Variants in HARS1 observed in about 807,000 individuals in gnomAD.
The protein encoded by HARS1 is histidine--tRNA ligase, cytoplasmic.
In HARS1, 45 loss-of-function variants were observed where a neutral mutation model predicts 63.6. The observed-to-expected ratio is 0.71, with a 90% CI of 0.56 to 0.91. HARS1 has a LOEUF of 0.91. Among genes scored for constraint, HARS1 ranks in the 40% least tolerant of loss-of-function variants. The pLI is 0.00. For missense variants in HARS1, 508 were observed against 643.2 expected (o/e 0.79, Z 2.27); for synonymous variants, 205 against 247.1 (o/e 0.83, Z 1.60).
rs763198737 is a variant in HARS1 at position 140,679,138 on chromosome 5, A to G, written c.397-11T>C. On this transcript the variant is annotated splice_polypyrimidine_tract_variant and intron_variant, in intron 4 of 12. Coordinates refer to ENST00000504156, the MANE Select transcript of HARS1 (RefSeq NM_002109.6). The surrounding 1 kb of genome is among the most constrained non-coding windows in gnomAD (Gnocchi z 4.3). Reference sequence around the variant, plus strand: ...CCGAGCAAAAGGAACCTGATGACAAAGAGTTAAGGAGAAAGCCCCTCCTAT... The same window carrying G: ...CCGAGCAAAAGGAACCTGATGACAAGGAGTTAAGGAGAAAGCCCCTCCTAT... 2 of 1,613,710 alleles carry G rather than the reference A, an allele frequency of 1.2e-6. No individual in the cohort carries two copies. Among genetic ancestry groups the G allele is most frequent in the Non-Finnish European group, 8.5e-7 (1 of 1,179,694 alleles).
chr5:140,680,281 C>T (rs148267541), intron 3 of HARS1, among the ~76,000 whole-genome samples: 2,782 of 151,758 alleles, frequency 0.018, 86 homozygotes, highest in African/African-American at 0.064. Flanking sequence ...AGAGTGGCTG[C>T]GACTACAGGC....
At chr5:140,689,744 T>C (rs146801682) in intron 2 of HARS1, among the ~76,000 whole-genome samples, 9 of 152,318 alleles carry the variant, frequency 5.9e-5, no homozygotes, top group Non-Finnish European at 1.0e-4. Context: ...ATAAACGACA[T>C]AAATAACTAC....
chr5:140,678,186 G>A (rs1393052065), intron 5 of HARS1, 171 bp from the exon 6 acceptor site: 6 of 598,100 alleles, frequency 1.0e-5, no homozygotes, highest in African/African-American at 1.9e-5. Flanking sequence ...CTTCTCACCA[G>A]TTTTGGTTTC....
In HARS1 at chr5:140,690,938, C is replaced by A. The variant is rs1224985546; in HGVS notation, c.97G>T (p.Glu33Ter). ...AGTTTCAGGAGTTTCGCCACCTCCT[C>A]CTCGATCTGTGGAGGGAAAGAAGGC... Reference protein sequence around the residue: ...QQKASAELIEEEVAKLLKLKA... With the variant: ...QQKASAELIE Residue 33 changes from glutamate to a stop codon, truncating the protein, a stop_gained, in exon 2 of 13, where the codon GAG becomes TAG. Transcript: ENST00000504156. LOFTEE classifies it high-confidence loss of function. 1 of 1,593,178 alleles carries A rather than the reference C, an allele frequency of 6.3e-7. No individual in the cohort carries two copies. The highest frequency in any genetic ancestry group is 1.7e-5 in the Admixed American group (1 of 59,992).
At chr5:140,688,502 T>C (rs972068266) in intron 2 of HARS1, among the ~76,000 whole-genome samples, 1 of 152,212 alleles carries the variant, frequency 6.6e-6, no homozygotes, top group Non-Finnish European at 1.5e-5. Context: ...AAAGACTCTA[T>C]CTTTATTATA....
At chr5:140,678,141 T>TC in intron 5 of HARS1, 126 bp from the exon 6 acceptor site, 1 of 648,944 alleles carries the variant, frequency 1.5e-6, no homozygotes, top group Non-Finnish European at 2.8e-6. Context: ...CATTTTCTGA[T>TC]CATCAGCCCA....
chr5:140,674,508 A>C (rs1000253074), intron 12 of HARS1, among the ~76,000 whole-genome samples, 171 bp downstream of exon 12: 8 of 152,236 alleles, frequency 5.3e-5, no homozygotes, highest in Non-Finnish European at 1.2e-4. Context: ...AGGTATATGC[A>C]GGGATGGAGA....
rs1050222 is a variant in HARS1 at position 140,673,985 on chromosome 5, G to C, written c.*272C>G. The stretch of plus-strand genomic sequence containing the variant: ...GCTCCAACTGGTGCGGGGCCCTGCA[G>C]ATGGGACCATCTCAGGCTGGGTCCT... On this transcript the variant is annotated 3_prime_UTR_variant, in exon 13 of 13. Coordinates refer to ENST00000504156, the MANE Select transcript of HARS1 (RefSeq NM_002109.6). 1 of 582,128 alleles carries C rather than the reference G, an allele frequency of 1.7e-6. No individual in the cohort carries two copies. The highest frequency in any genetic ancestry group is 2.9e-5 in the East Asian group (1 of 33,934). 36.1% of individuals were successfully genotyped at this position (582,128 alleles called of 1,614,324 possible).
At chr5:140,677,268 C>T in intron 8 of HARS1, 59 bp downstream of exon 8, 1 of 1,446,206 alleles carries the variant, frequency 6.9e-7, no homozygotes, top group Non-Finnish European at 9.7e-7. Flanking sequence ...AGAACAGTTT[C>T]AACTTTAGGA....
intron 2 of HARS1, among the ~76,000 whole-genome samples, chr5:140,690,335 C>G (rs1428516247): frequency 6.6e-6 from 1 of 152,060 alleles, no homozygotes; most frequent in Non-Finnish European, 1.5e-5. Context: ...ACCTGTAGTC[C>G]CAGCTACTCA....
rs1188271471 is a variant in HARS1, at chr5:140,674,270, A to AG, written c.1516dup (p.Leu506ProfsTer7). The AG allele has an allele frequency of 2.5e-6, 4 of 1,607,978 alleles. No homozygotes were observed. In the African/African-American group the frequency reaches 5.3e-5, roughly 21 times the overall value. On this transcript the variant is annotated frameshift_variant, in exon 13 of 13. Coordinates refer to ENST00000504156, the MANE Select transcript of HARS1 (RefSeq NM_002109.6). LOFTEE classifies it high-confidence loss of function. ...AGTTTGTTCAGTTCAGCAGATGCAG[A>AG]GGGGCTGGCCTGTTCTCCTTTTGAT...
intron 2 of HARS1, among the ~76,000 whole-genome samples, chr5:140,686,498 C>CA (rs1460750867): frequency 6.6e-6 from 1 of 151,978 alleles, no homozygotes; most frequent in African/African-American, 2.4e-5. Flanking sequence ...CTTGGTCTCT[C>CA]AAAGTGCTGG....
chr5:140,681,662 T>C (rs1758740036), intron 3 of HARS1, among the ~76,000 whole-genome samples: 1 of 151,888 alleles, frequency 6.6e-6, no homozygotes, highest in Non-Finnish European at 1.5e-5. Context: ...AGCGAGACTC[T>C]GTCTCAATTA....
At chr5:140,677,524 A>G in intron 7 of HARS1, 104 bp from the exon 8 acceptor site, 1 of 1,074,868 alleles carries the variant, frequency 9.3e-7, no homozygotes, top group Non-Finnish European at 1.5e-6. Flanking sequence ...GCTGCCCATG[A>G]GCCTACATCC....
chr5:140,675,183 A>C lies in HARS1; in HGVS notation c.1195-50T>G. On this transcript the variant is annotated intron_variant, in intron 10 of 12. Coordinates refer to ENST00000504156, the MANE Select transcript of HARS1 (RefSeq NM_002109.6). ...AGCTGGGCTAACACCTTCAAGGAGCAAACAAAGCAGGCTCTAGTCGGGATT... is the reference window on the plus strand; with the variant it reads ...AGCTGGGCTAACACCTTCAAGGAGCCAACAAAGCAGGCTCTAGTCGGGATT... The C allele has an allele frequency of 2.5e-6, 3 of 1,182,458 alleles. No homozygotes were observed. In the East Asian group the frequency reaches 7.0e-5, roughly 28 times the overall value. The allele number at this position is 1,182,458 out of a possible 1,614,324, so 73.2% of individuals were successfully genotyped here.
chr5:140,687,443 G>A (rs757486167), intron 2 of HARS1: 3 of 152,070 alleles, frequency 2.0e-5, no homozygotes, highest in Non-Finnish European at 2.9e-5. Flanking sequence ...ATACTCAGGA[G>A]GCTGAGGCAC....
At position 140,677,370 on chromosome 5, in the gene HARS1, T is replaced by C; in HGVS notation, c.780A>G (p.Ala260=). The change falls in exon 8 of 13, where the codon GCA becomes GCG. Residue 260 remains alanine (A), a synonymous_variant. Coordinates refer to ENST00000504156, the MANE Select transcript of HARS1 (RefSeq NM_002109.6). ...CCCCAATGCGGTCAGCCACCTCAGG[T>C]GCAAGGCCCTTCTCTCCCACCATCT... ...KNEMVGEKGL[A]PEVADRIGDY... The C allele has an allele frequency of 7.4e-6, 12 of 1,613,972 alleles. No individual in the cohort carries two copies. The highest frequency in any genetic ancestry group is 1.0e-5 in the Non-Finnish European group (12 of 1,179,902).
At chr5:140,681,892 A>G (rs1758751950) in intron 3 of HARS1, among the ~76,000 whole-genome samples, 1 of 152,254 alleles carries the variant, frequency 6.6e-6, no homozygotes, top group South Asian at 2.1e-4. Context: ...AGGTAAAAAC[A>G]GTCTCATAAA....
chr5:140,690,771 G>T, intron 2 of HARS1, 84 bp downstream of exon 2: 2 of 817,244 alleles, frequency 2.4e-6, no homozygotes, highest in Non-Finnish European at 2.2e-6. Flanking sequence ...CCTCCTCAAT[G>T]ACCTGGTTTA....
Sources: allele counts gnomAD v4.1 joint callset (sites outside exome capture counted in the v4.1 genomes callset), GRCh38; gene constraint gnomAD v4.1.1; non-coding constraint Gnocchi (gnomAD v3.1); transcripts MANE v1.5; gene names NCBI Gene and HGNC (gene_info 2026-07-23, HGNC 2026-07-21).